The following CAMK2D variants were observed in gnomAD, a reference collection of about 807,000 sequenced individuals.
CAMK2D encodes calcium/calmodulin dependent protein kinase II delta.
Under a neutral mutation model 84.0 loss-of-function variants are expected in CAMK2D, and 37 were observed. That is an observed-to-expected ratio of 0.44 (90% confidence interval 0.34 to 0.58). The LOEUF (loss-of-function observed/expected upper bound fraction) is 0.58. CAMK2D is among the 20% of genes least tolerant of loss of function. The probability of loss-of-function intolerance (pLI) is 0.02; values close to 1 mark genes in which losing one functional copy is unlikely to be tolerated. For missense variants in CAMK2D, 448 were observed against 652.5 expected, an observed-to-expected ratio of 0.69 and a Z score of 3.41; for synonymous variants, 202 against 212.5, an observed-to-expected ratio of 0.95 and a Z score of 0.43.
intron 6 of CAMK2D, among the ~76,000 whole-genome samples, chr4:113,543,346 C>T (rs1371433437): frequency 6.6e-6 from 1 of 151,700 alleles, no homozygotes; most frequent in Non-Finnish European, 1.5e-5. Context: ...CTGGGAAGAA[C>T]ATCATCAATA....
intron 16 of CAMK2D, among the ~76,000 whole-genome samples, chr4:113,484,546 G>C (rs1317602724): frequency 6.6e-6 from 1 of 151,840 alleles, no homozygotes; most frequent in Non-Finnish European, 1.5e-5. Flanking sequence ...TTTTAAAAAA[G>C]CCCTAAAACA....
chr4:113,736,422 G>T (rs2099581499), intron 2 of CAMK2D, among the ~76,000 whole-genome samples: 4 of 152,120 alleles, frequency 2.6e-5, no homozygotes, highest in Admixed American at 2.6e-4. Context: ...AATGTAGAAA[G>T]GCAACTTACT....
At chr4:113,622,169 C>T (rs1258436982) in intron 3 of CAMK2D, among the ~76,000 whole-genome samples, 1 of 152,138 alleles carries the variant, frequency 6.6e-6, no homozygotes, top group African/African-American at 2.4e-5. Flanking sequence ...GGCAGTCATC[C>T]TTTCAAAATG....
At chr4:113,490,658 GT>G (rs1199385898) in intron 16 of CAMK2D, among the ~76,000 whole-genome samples, 1 of 151,740 alleles carries the variant, frequency 6.6e-6, no homozygotes, top group Non-Finnish European at 1.5e-5. Flanking sequence ...CTTTAAAGTA[GT>G]TTTTTCCAAT....
At chr4:113,658,250 C>G (rs1272846019) in intron 3 of CAMK2D, among the ~76,000 whole-genome samples, 1 of 152,152 alleles carries the variant, frequency 6.6e-6, no homozygotes, top group Non-Finnish European at 1.5e-5. Context: ...AAACACAACA[C>G]TGTCAGATTA....
intron 3 of CAMK2D, among the ~76,000 whole-genome samples, chr4:113,632,372 C>A (rs1000901572): frequency 6.6e-6 from 1 of 151,970 alleles, no homozygotes. Flanking sequence ...CGCAGGCATG[C>A]ACCACCACTC....
chr4:113,558,548 T>A (rs568965348), intron 4 of CAMK2D, among the ~76,000 whole-genome samples: 1 of 148,324 alleles, frequency 6.7e-6, no homozygotes, highest in South Asian at 2.1e-4. Flanking sequence ...AAATACAGTA[T>A]TATGCCATTT....
At chr4:113,622,624 C>T (rs370154315) in intron 3 of CAMK2D, among the ~76,000 whole-genome samples, 2 of 152,086 alleles carry the variant, frequency 1.3e-5, no homozygotes, top group African/African-American at 2.4e-5. Context: ...AAAAGCTGGA[C>T]GTGGTGTTGC....
chr4:113,680,356 T>C (rs2099339298), intron 2 of CAMK2D, among the ~76,000 whole-genome samples: 1 of 152,200 alleles, frequency 6.6e-6, no homozygotes, highest in Non-Finnish European at 1.5e-5. Context: ...CAGAGTTGTC[T>C]AGTGCTGGGG....
At chr4:113,554,092 T>C (rs2098648237) in intron 4 of CAMK2D, among the ~76,000 whole-genome samples, 1 of 152,164 alleles carries the variant, frequency 6.6e-6, no homozygotes, top group Non-Finnish European at 1.5e-5. Context: ...TGCTGCTATT[T>C]ATAGGCTCCT....
intron 16 of CAMK2D, among the ~76,000 whole-genome samples, chr4:113,478,733 A>G (rs967049025): frequency 6.6e-6 from 1 of 152,188 alleles, no homozygotes; most frequent in African/African-American, 2.4e-5. Context: ...TCAGAATGCT[A>G]TAATTCTGTG....
intron 3 of CAMK2D, among the ~76,000 whole-genome samples, chr4:113,642,023 A>G (rs896541919): frequency 6.6e-6 from 1 of 152,068 alleles, no homozygotes; most frequent in African/African-American, 2.4e-5. Context: ...AAAATTTAAA[A>G]ATAATAAAAA....
intron 3 of CAMK2D, among the ~76,000 whole-genome samples, chr4:113,645,807 GT>G (rs773877668): frequency 2.6e-5 from 4 of 152,140 alleles, no homozygotes; most frequent in Non-Finnish European, 5.9e-5. Flanking sequence ...GCAGCTAGCA[GT>G]TTTAGGTGTC....
chr4:113,616,309 C>A (rs1225976098), intron 3 of CAMK2D, among the ~76,000 whole-genome samples: 1 of 152,064 alleles, frequency 6.6e-6, no homozygotes, highest in Non-Finnish European at 1.5e-5. Context: ...AAGATAAGTC[C>A]TGAAGGTCAA....
At chr4:113,480,041 A>C (rs1426498603) in intron 16 of CAMK2D, among the ~76,000 whole-genome samples, 1 of 152,016 alleles carries the variant, frequency 6.6e-6, no homozygotes, top group Non-Finnish European at 1.5e-5. Flanking sequence ...GGCTCACTGC[A>C]ACCTCTGCCT....
In CAMK2D at chr4:113,680,454, T is replaced by G. The variant is rs555440640; in HGVS notation, c.161-18682A>C. Among the ~76,000 whole-genome samples the G allele has an allele frequency of 1.7e-3, 266 of 152,342 alleles. 3 individuals are homozygous for G. The highest frequency in any genetic ancestry group is 6.0e-3 in the African/African-American group (251 of 41,578). On this transcript the variant is annotated intron_variant, in intron 2 of 20. Coordinates refer to ENST00000511664, the MANE Select transcript of CAMK2D (RefSeq NM_001321571.2). ...CTGTGCAGCTGAAGCTGACCCTGACTGCTGGAGGCTCTCCTGACTGCCTTC... is the reference window on the plus strand; with the variant it reads ...CTGTGCAGCTGAAGCTGACCCTGACGGCTGGAGGCTCTCCTGACTGCCTTC...
intron 5 of CAMK2D, among the ~76,000 whole-genome samples, chr4:113,550,398 C>G (rs1366410157): frequency 6.6e-6 from 1 of 152,156 alleles, no homozygotes; most frequent in Non-Finnish European, 1.5e-5. Flanking sequence ...GTCTCGAACT[C>G]CTGGGCTCAA....
At chr4:113,575,838 C>T (rs1008249300) in intron 4 of CAMK2D, among the ~76,000 whole-genome samples, 6 of 152,050 alleles carry the variant, frequency 3.9e-5, no homozygotes, top group Non-Finnish European at 8.8e-5. Context: ...GAATAAAGTG[C>T]ATGAGCCTCA....
chr4:113,746,650 A>G (rs569766533), intron 2 of CAMK2D, among the ~76,000 whole-genome samples: 7 of 152,156 alleles, frequency 4.6e-5, no homozygotes, highest in African/African-American at 1.7e-4. Context: ...ACCCAAGGAA[A>G]TTTTTCCCAA....
Sources: gnomAD v4.1 joint callset for allele counts (sites outside exome capture counted in the v4.1 genomes callset) on GRCh38, gnomAD v4.1.1 for gene constraint, MANE v1.5 for transcripts, NCBI Gene and HGNC (gene_info 2026-07-23, HGNC 2026-07-21) for gene names.